TRIM33: variants seen among roughly 807,000 people sequenced by gnomAD.
TRIM33 encodes the protein E3 ubiquitin-protein ligase TRIM33.
TRIM33 carries 20 observed loss-of-function variants against 125.4 expected under a neutral mutation model. The ratio of observed to expected loss-of-function variants is 0.16; its 90% confidence interval spans 0.11 to 0.23. The LOEUF (loss-of-function observed/expected upper bound fraction) is 0.23. Ranked by LOEUF, TRIM33 falls within the 10% of genes least tolerant of loss-of-function variation. The pLI is 1.00. For synonymous variants in TRIM33, 564 were observed against 513.9 expected, an observed-to-expected ratio of 1.10 and a Z score of -1.32; for missense variants, 920 against 1,411.4, an observed-to-expected ratio of 0.65 and a Z score of 5.58.
At chr1:114,481,830 C>T (rs970862252) in intron 1 of TRIM33, among the ~76,000 whole-genome samples, 9 of 151,874 alleles carry the variant, frequency 5.9e-5, no homozygotes, top group Admixed American at 3.9e-4. Flanking sequence ...CGTGATCGCA[C>T]CTCACTGCAA....
chr1:114,476,187 T>G (rs114965782), intron 1 of TRIM33, among the ~76,000 whole-genome samples: 3,983 of 151,996 alleles, frequency 0.026, 92 homozygotes, highest in Non-Finnish European at 0.034. Context: ...TTTAAAAAAT[T>G]TGATCTTGTA....
At chr1:114,466,677 C>T (rs1323246014) in intron 1 of TRIM33, among the ~76,000 whole-genome samples, 1 of 152,196 alleles carries the variant, frequency 6.6e-6, no homozygotes, top group Admixed American at 6.5e-5. Flanking sequence ...TATTGTCCCA[C>T]ATTGTTGCTG....
chr1:114,469,559 TATAAC>T (rs1650513381), intron 1 of TRIM33, among the ~76,000 whole-genome samples: 1 of 152,168 alleles, frequency 6.6e-6, no homozygotes, highest in South Asian at 2.1e-4. Flanking sequence ...ATTTAGTTCT[TATAAC>T]AGAGCAAGAA....
intron 1 of TRIM33, chr1:114,468,964 T>A: frequency 4.4e-6 from 1 of 225,032 alleles, no homozygotes; most frequent in Non-Finnish European, 9.0e-6. Context: ...TTTTGTCAAC[T>A]TTACAGATAT....
In TRIM33 at chr1:114,393,483, G is replaced by A. The variant is rs1319521298; in HGVS notation, c.*4165C>T. The A allele has an allele frequency of 1.0e-5, 2 of 200,668 alleles. No individual in the cohort carries two copies. Among genetic ancestry groups the A allele is most frequent in the African/African-American group, 4.6e-5 (2 of 43,506 alleles). 12.4% of individuals were successfully genotyped at this position (200,668 alleles called of 1,614,324 possible). A position where few individuals can be genotyped will look rare whatever the true frequency, so the allele number is the denominator to read the frequency against. On this transcript the variant is annotated 3_prime_UTR_variant, in exon 20 of 20. Transcript: ENST00000358465. The stretch of plus-strand genomic sequence containing the variant: ...TTTTAATTTTAAAGATCACTTTCTA[G>A]AAAAGGGCTAAACTTAACTTTGTAC...
intron 17 of TRIM33, 44 bp from the exon 18 acceptor site, chr1:114,399,653 C>A (rs1258967877): frequency 5.4e-6 from 8 of 1,479,174 alleles, no homozygotes; most frequent in South Asian, 1.3e-5. Context: ...TCCAAAAATG[C>A]CAAACTGTTT....
intron 4 of TRIM33, among the ~76,000 whole-genome samples, chr1:114,436,129 G>A (rs1005279282): frequency 1.3e-5 from 2 of 151,550 alleles, no homozygotes; most frequent in African/African-American, 4.8e-5. Flanking sequence ...CAGGCCAGGC[G>A]TGGTGGCTCA....
At chr1:114,413,589 A>T (rs1557849256) in intron 11 of TRIM33, among the ~76,000 whole-genome samples, 2 of 131,934 alleles carry the variant, frequency 1.5e-5, no homozygotes, top group Non-Finnish European at 3.1e-5. Flanking sequence ...GAAAAGAAAA[A>T]GACTTTTTCT....
At chr1:114,480,899 C>T (rs1651288234) in intron 1 of TRIM33, among the ~76,000 whole-genome samples, 1 of 151,984 alleles carries the variant, frequency 6.6e-6, no homozygotes, top group South Asian at 2.1e-4. Context: ...ATCATGAAAG[C>T]TGTTGCCATA....
At chr1:114,451,315 A>G (rs1649297630) in intron 4 of TRIM33, among the ~76,000 whole-genome samples, 1 of 151,092 alleles carries the variant, frequency 6.6e-6, no homozygotes, top group African/African-American at 2.4e-5. Context: ...GCCTTAGATC[A>G]TTCAATCCCA....
chr1:114,426,533 G>A (rs115688932), intron 8 of TRIM33, among the ~76,000 whole-genome samples: 2,537 of 148,930 alleles, frequency 0.017, 57 homozygotes, highest in African/African-American at 0.06. Context: ...AAAAAAAAAG[G>A]GCAACCAGCC....
chr1:114,425,781 G>T, intron 8 of TRIM33, 58 bp from the exon 9 acceptor site: 1 of 1,278,310 alleles, frequency 7.8e-7, no homozygotes, highest in Non-Finnish European at 1.1e-6. Flanking sequence ...CTACTTTGTT[G>T]AGTAATCACC....
chr1:114,408,884 T>C (rs1652410704), intron 12 of TRIM33, 144 bp from the exon 13 acceptor site: 1 of 588,098 alleles, frequency 1.7e-6, no homozygotes, highest in East Asian at 3.1e-5. Context: ...GGGACGCATG[T>C]GTAACCATTA....
intron 1 of TRIM33, 137 bp from the exon 2 acceptor site, chr1:114,464,525 C>A (rs767008827): frequency 5.0e-5 from 24 of 477,064 alleles, no homozygotes; most frequent in Non-Finnish European, 7.5e-5. Context: ...AATAACCCAG[C>A]GAGTTATTCC....
intron 13 of TRIM33, 94 bp downstream of exon 13, chr1:114,408,583 G>A (rs915743665): frequency 2.6e-6 from 2 of 766,272 alleles, no homozygotes; most frequent in Non-Finnish European, 4.4e-6. Flanking sequence ...TGAGTGTTAA[G>A]TATAAAGGGG....
chr1:114,463,304 A>G (rs1189357211), intron 3 of TRIM33, 68 bp from the exon 4 acceptor site: 1 of 1,557,530 alleles, frequency 6.4e-7, no homozygotes, highest in African/African-American at 1.4e-5. Flanking sequence ...CTAAATTCCT[A>G]TTGATGTTGC....
At chr1:114,459,262 G>A (rs1345318521) in intron 4 of TRIM33, among the ~76,000 whole-genome samples, 1 of 152,188 alleles carries the variant, frequency 6.6e-6, no homozygotes, top group East Asian at 1.9e-4. Context: ...AGGGCTGAAG[G>A]CTGAGATGAT....
chr1:114,441,738 G>T (rs75306349), intron 4 of TRIM33, among the ~76,000 whole-genome samples: 1 of 152,176 alleles, frequency 6.6e-6, no homozygotes, highest in African/African-American at 2.4e-5. Flanking sequence ...TTGCCAAATG[G>T]GTAACTTTTA....
intron 1 of TRIM33, among the ~76,000 whole-genome samples, chr1:114,474,821 GGTGGA>G (rs936984404): frequency 1.3e-4 from 19 of 151,260 alleles, no homozygotes; most frequent in African/African-American, 4.6e-4. Flanking sequence ...GAACCCAGGA[GGTGGA>G]GGTTGTGGTG....
Sources: allele counts gnomAD v4.1 joint callset (sites outside exome capture counted in the v4.1 genomes callset), GRCh38; gene constraint gnomAD v4.1.1; transcripts MANE v1.5; gene names NCBI Gene and HGNC (gene_info 2026-07-23, HGNC 2026-07-21).